Variants in ZNF704 observed in about 807,000 individuals in gnomAD.
ZNF704 encodes glucocorticoid induced gene 1.
A neutral mutation model predicts 44.7 loss-of-function variants in ZNF704; 10 were observed. The ratio of observed to expected loss-of-function variants is 0.22; its 90% CI spans 0.14 to 0.38. ZNF704 has a LOEUF of 0.38. ZNF704 is among the 10% of genes least tolerant of loss of function. ZNF704 has a pLI of 1.00. For missense variants in ZNF704, 390 were observed against 545.5 expected, an observed-to-expected ratio of 0.71 and a Z score of 2.84; for synonymous variants, 211 against 207.6, an observed-to-expected ratio of 1.02 and a Z score of -0.14.
intron 2 of ZNF704, among the ~76,000 whole-genome samples, chr8:80,760,667 A>C (rs1189472226): frequency 6.6e-6 from 1 of 151,658 alleles, no homozygotes; most frequent in Non-Finnish European, 1.5e-5. Context: ...AAAAAAAAAA[A>C]AAAAAAACCA....
intron 2 of ZNF704, among the ~76,000 whole-genome samples, chr8:80,731,949 C>A (rs186249107): frequency 2.0e-5 from 3 of 152,208 alleles, no homozygotes; most frequent in East Asian, 1.9e-4. Context: ...GAAGGTGAGA[C>A]TTTTCCAAAA....
At chr8:80,720,262 C>T (rs1819143595) in intron 2 of ZNF704, among the ~76,000 whole-genome samples, 1 of 152,162 alleles carries the variant, frequency 6.6e-6, no homozygotes, top group South Asian at 2.1e-4. Flanking sequence ...GGAAGTCATC[C>T]CTAAGGCTTT....
chr8:80,703,723 C>T (rs1585967185), intron 2 of ZNF704, among the ~76,000 whole-genome samples: 1 of 152,188 alleles, frequency 6.6e-6, no homozygotes, highest in East Asian at 1.9e-4. Context: ...GATCCTCCTG[C>T]CTCAGCCTCC....
chr8:80,824,307 A>T (rs1032121252), intron 1 of ZNF704, among the ~76,000 whole-genome samples: 1 of 152,240 alleles, frequency 6.6e-6, no homozygotes, highest in Non-Finnish European at 1.5e-5. Context: ...CGATTTGATC[A>T]AGTGGAAAAA....
chr8:80,716,909 T>C (rs901225343), intron 2 of ZNF704, among the ~76,000 whole-genome samples: 45 of 152,246 alleles, frequency 3.0e-4, no homozygotes, highest in African/African-American at 1.1e-3. Flanking sequence ...CAAGATTTGT[T>C]ACTTGCTGCT....
rs78793105 is a variant in ZNF704, at chr8:80,684,115, T to C, written c.558+3111A>G. 5.5e-3 allele frequency among the ~76,000 whole-genome samples: 845 copies of C among 152,322 alleles called. 12 individuals are homozygous for C. The highest frequency in any genetic ancestry group is 0.018 in the African/African-American group (729 of 41,572). On this transcript the variant is annotated intron_variant, in intron 4 of 8. Coordinates refer to ENST00000327835, the MANE Select transcript of ZNF704 (RefSeq NM_001033723.3). ...TTTGCCTGTTTTACAGATGAAGAAG[T>C]TGATGATCAGAGAGGTGAAATGATA...
intron 3 of ZNF704, among the ~76,000 whole-genome samples, chr8:80,688,717 T>C (rs1013750270): frequency 6.6e-6 from 1 of 152,196 alleles, no homozygotes; most frequent in African/African-American, 2.4e-5. Context: ...TTATGAAATG[T>C]TTGCTAATGT....
intron 1 of ZNF704, among the ~76,000 whole-genome samples, chr8:80,868,484 G>A (rs938632523): frequency 1.3e-5 from 2 of 152,206 alleles, no homozygotes; most frequent in Non-Finnish European, 2.9e-5. Flanking sequence ...CCAGTTCAGT[G>A]ATTAAAGGCA....
chr8:80,723,980 G>A (rs1054961601), intron 2 of ZNF704, among the ~76,000 whole-genome samples: 14 of 152,192 alleles, frequency 9.2e-5, no homozygotes, highest in Non-Finnish European at 1.5e-5. Flanking sequence ...ATTCTCATCA[G>A]CTTTTACACT....
chr8:80,721,623 T>A (rs1157143694), intron 2 of ZNF704, among the ~76,000 whole-genome samples: 1 of 152,212 alleles, frequency 6.6e-6, no homozygotes, highest in African/African-American at 2.4e-5. Context: ...TAAAACTTTT[T>A]AATATCCACT....
intron 2 of ZNF704, among the ~76,000 whole-genome samples, chr8:80,734,170 C>T (rs1023435088): frequency 1.3e-5 from 2 of 152,164 alleles, no homozygotes; most frequent in African/African-American, 4.8e-5. Context: ...CAGTTTCCTG[C>T]AGGACCAGAT....
intron 1 of ZNF704, among the ~76,000 whole-genome samples, chr8:80,867,719 A>G (rs1252709335): frequency 6.6e-5 from 10 of 152,236 alleles, no homozygotes; most frequent in Non-Finnish European, 1.5e-4. Context: ...TTTGCTGCAC[A>G]GTTCCTGCCA....
At chr8:80,714,594 G>A (rs772353425) in intron 2 of ZNF704, among the ~76,000 whole-genome samples, 27 of 151,988 alleles carry the variant, frequency 1.8e-4, no homozygotes, top group African/African-American at 2.2e-4. Flanking sequence ...CTCCTCCTCC[G>A]GCCTCCTTTG....
At chr8:80,674,581 C>G (rs1243085521) in intron 4 of ZNF704, among the ~76,000 whole-genome samples, 1 of 152,150 alleles carries the variant, frequency 6.6e-6, no homozygotes, top group South Asian at 2.1e-4. Flanking sequence ...AATCCATTCT[C>G]TCAAAAACCA....
chr8:80,665,333 A>C (rs73691964), intron 5 of ZNF704, among the ~76,000 whole-genome samples: 14 of 152,172 alleles, frequency 9.2e-5, no homozygotes, highest in African/African-American at 2.9e-4. Context: ...TGAGAATCTA[A>C]TATGTTCAGG....
At chr8:80,850,310 C>CT (rs1808836744) in intron 1 of ZNF704, among the ~76,000 whole-genome samples, 1 of 152,066 alleles carries the variant, frequency 6.6e-6, no homozygotes, top group Non-Finnish European at 1.5e-5. Context: ...CTATCATAAT[C>CT]TTTCTGCAGC....
chr8:80,754,695 A>G (rs971091911), intron 2 of ZNF704, among the ~76,000 whole-genome samples: 1 of 152,170 alleles, frequency 6.6e-6, no homozygotes, highest in Admixed American at 6.5e-5. Context: ...CCTAGGGTAG[A>G]TTGTAAGCCC....
rs117052804 is a variant in ZNF704, at chr8:80,868,500, T to A, written c.-22+6071A>T. 1.8e-4 allele frequency among the ~76,000 whole-genome samples: 28 copies of A among 152,332 alleles called. No individual in the cohort carries two copies. In the East Asian group the frequency reaches 5.4e-3, roughly 29 times the overall value. On this transcript the variant is annotated intron_variant, in intron 1 of 8. Coordinates refer to ENST00000327835, the MANE Select transcript of ZNF704 (RefSeq NM_001033723.3). Reference sequence around the variant, plus strand: ...CAGTTCAGTGATTAAAGGCACAGGCTATGGATGTGAGCCCATGCTCCCCAC... The same window carrying A: ...CAGTTCAGTGATTAAAGGCACAGGCAATGGATGTGAGCCCATGCTCCCCAC...
chr8:80,729,892 CT>C (rs1430532110), intron 2 of ZNF704, among the ~76,000 whole-genome samples: 1 of 152,110 alleles, frequency 6.6e-6, no homozygotes, highest in Non-Finnish European at 1.5e-5. Flanking sequence ...CGGAACCCCC[CT>C]GAGCCAGGAT....
Sources: allele counts gnomAD v4.1 joint callset (sites outside exome capture counted in the v4.1 genomes callset), GRCh38; gene constraint gnomAD v4.1.1; transcripts MANE v1.5; gene names NCBI Gene and HGNC (gene_info 2026-07-23, HGNC 2026-07-21).